The following ZNF385D variants were observed in gnomAD, a reference collection of about 807,000 sequenced individuals.
ZNF385D encodes zinc finger protein 385D.
Under a neutral mutation model 35.8 loss-of-function variants are expected in ZNF385D, and 15 were observed. The ratio of observed to expected loss-of-function variants is 0.42; its 90% CI spans 0.28 to 0.64. The LOEUF (loss-of-function observed/expected upper bound fraction) is 0.64, where lower values mean the gene tolerates loss of function less well. Ranked by LOEUF, ZNF385D falls within the 30% of genes least tolerant of loss-of-function variation. The pLI is 0.23. For synonymous variants in ZNF385D, 212 were observed against 186.8 expected, an observed-to-expected ratio of 1.13 and a Z score of -1.10; for missense variants, 474 against 494.6, an observed-to-expected ratio of 0.96 and a Z score of 0.39.
intron 3 of ZNF385D, among the ~76,000 whole-genome samples, chr3:21,864,996 T>G: frequency 6.7e-6 from 1 of 149,716 alleles, no homozygotes; most frequent in East Asian, 2.0e-4. Context: ...AATGCTTTTT[T>G]TTTTTTTCTT....
intron 2 of ZNF385D, among the ~76,000 whole-genome samples, chr3:22,314,632 G>A (rs1434258535): frequency 6.6e-6 from 1 of 152,086 alleles, no homozygotes; most frequent in Non-Finnish European, 1.5e-5. Context: ...CACTCTGGCA[G>A]CCTGCAAATC....
Position 22,365,799 on chromosome 3 carries a change from C to A in ZNF385D, c.106+6651G>T, listed in dbSNP as rs538402694. Among the ~76,000 whole-genome samples the A allele has an allele frequency of 2.6e-5, 4 of 152,152 alleles. No homozygotes were observed. In the South Asian group the frequency reaches 8.3e-4, roughly 32 times the overall value. On this transcript the variant is annotated intron_variant, in intron 2 of 5. Coordinates refer to the ZNF385D transcript ENST00000494108. ...AGAACAAATGAAGACTTAAAATGAA[C>A]CCCATAGCATCCTCTGAAAGAGGTG...
intron 2 of ZNF385D, among the ~76,000 whole-genome samples, chr3:22,368,593 T>C (rs113782590): frequency 9.3e-4 from 142 of 152,318 alleles, no homozygotes; most frequent in African/African-American, 3.3e-3. Flanking sequence ...GCAGATTCAA[T>C]GACTGCGGTG....
At chr3:22,344,418 C>T (rs2125484787) in intron 2 of ZNF385D, among the ~76,000 whole-genome samples, 1 of 152,054 alleles carries the variant, frequency 6.6e-6, no homozygotes, top group South Asian at 2.1e-4. Context: ...ACAGGGTCTC[C>T]TCGCTCTGTC....
At chr3:21,798,034 C>T (rs1400345093) in intron 3 of ZNF385D, among the ~76,000 whole-genome samples, 1 of 152,108 alleles carries the variant, frequency 6.6e-6, no homozygotes, top group African/African-American at 2.4e-5. Flanking sequence ...TGGACACTGG[C>T]AACAATGATG....
At chr3:22,048,310 C>T (rs1039482045) in intron 3 of ZNF385D, among the ~76,000 whole-genome samples, 2 of 151,916 alleles carry the variant, frequency 1.3e-5, no homozygotes, top group African/African-American at 4.8e-5. Flanking sequence ...CCTTTTGGGG[C>T]CATATTCAAA....
At chr3:21,586,219 A>G (rs570247985) in intron 2 of ZNF385D, among the ~76,000 whole-genome samples, 7 of 152,242 alleles carry the variant, frequency 4.6e-5, no homozygotes, top group African/African-American at 1.7e-4. Context: ...GGGGAAAAAA[A>G]AGAAAGTATG....
intron 2 of ZNF385D, among the ~76,000 whole-genome samples, chr3:21,644,304 G>A (rs1178270805): frequency 6.6e-6 from 1 of 152,114 alleles, no homozygotes; most frequent in Non-Finnish European, 1.5e-5. Flanking sequence ...TATTTACCCA[G>A]TTATTCCAGC....
chr3:22,304,479 T>G (rs1340722909), intron 2 of ZNF385D, among the ~76,000 whole-genome samples: 1 of 152,202 alleles, frequency 6.6e-6, no homozygotes, highest in African/African-American at 2.4e-5. Context: ...CTTTACGTGT[T>G]ACACATTTTA....
intron 2 of ZNF385D, among the ~76,000 whole-genome samples, chr3:22,206,660 A>G (rs1697176636): frequency 6.6e-6 from 1 of 151,946 alleles, no homozygotes; most frequent in Non-Finnish European, 1.5e-5. Context: ...AAATTAAACA[A>G]TATGCTCTGA....
At chr3:21,820,883 T>C (rs1692048582) in intron 3 of ZNF385D, among the ~76,000 whole-genome samples, 1 of 134,158 alleles carries the variant, frequency 7.5e-6, no homozygotes, top group African/African-American at 2.8e-5. Flanking sequence ...GTGGGAAAAA[T>C]ACAGTAAAGT....
At chr3:21,826,435 T>C (rs2670257) in intron 3 of ZNF385D, among the ~76,000 whole-genome samples, 152,000 of 152,304 alleles carry the variant, frequency 1, 75,849 homozygotes, top group East Asian at 1. Context: ...TGACACTAGT[T>C]GGAAGAAATA....
At chr3:21,574,565 T>C (rs1235566263) in intron 2 of ZNF385D, among the ~76,000 whole-genome samples, 1 of 152,150 alleles carries the variant, frequency 6.6e-6, no homozygotes, top group Non-Finnish European at 1.5e-5. Flanking sequence ...GTTGTAATCA[T>C]TGTGGCATGA....
intron 3 of ZNF385D, among the ~76,000 whole-genome samples, chr3:21,533,215 A>G (rs1017023741): frequency 6.6e-6 from 1 of 152,112 alleles, no homozygotes; most frequent in Admixed American, 6.5e-5. Context: ...GGAAATAAGC[A>G]CTTCACCATT....
intron 3 of ZNF385D, among the ~76,000 whole-genome samples, chr3:22,059,432 TGTG>T (rs996708367): frequency 6.6e-6 from 1 of 152,116 alleles, no homozygotes; most frequent in Admixed American, 6.5e-5. Context: ...ACACCAACCT[TGTG>T]GTTGGTTTTA....
exon 2 of ZNF385D, chr3:22,372,554 A>G: frequency 1.0e-6 from 1 of 985,708 alleles, no homozygotes. Context: ...TGGCCCTGGC[A>G]TCCGGGAGGA....
At chr3:21,934,012 A>AAC (rs1483094440) in intron 3 of ZNF385D, among the ~76,000 whole-genome samples, 3 of 151,926 alleles carry the variant, frequency 2.0e-5, no homozygotes, top group African/African-American at 7.3e-5. Context: ...TAATTAAAAA[A>AAC]AAAATCCTAA....
intron 3 of ZNF385D, among the ~76,000 whole-genome samples, chr3:22,079,093 G>C (rs994899622): frequency 2.0e-5 from 3 of 152,026 alleles, no homozygotes; most frequent in African/African-American, 4.8e-5. Flanking sequence ...GTGAACAGAA[G>C]TGTGGATTAA....
At chr3:21,445,771 T>G (rs1489898084) in intron 4 of ZNF385D, among the ~76,000 whole-genome samples, 4 of 152,208 alleles carry the variant, frequency 2.6e-5, no homozygotes, top group African/African-American at 9.6e-5. Context: ...TTTTAAAAGT[T>G]GGAGTTATAT....
Sources: gnomAD v4.1 joint callset for allele counts (sites outside exome capture counted in the v4.1 genomes callset) on GRCh38, gnomAD v4.1.1 for gene constraint, MANE v1.5 for transcripts, NCBI Gene and HGNC (gene_info 2026-07-23, HGNC 2026-07-21) for gene names.